DHX15: variants seen among roughly 807,000 people sequenced by gnomAD.
The protein encoded by DHX15 is ATP-dependent RNA helicase DHX15.
DHX15 carries 11 observed loss-of-function variants against 94.4 expected under a neutral mutation model. The observed-to-expected ratio is 0.12, with a 90% CI of 0.07 to 0.19. The LOEUF (loss-of-function observed/expected upper bound fraction) is 0.19. Ranked by LOEUF, DHX15 falls within the 10% of genes least tolerant of loss-of-function variation. The probability of loss-of-function intolerance (pLI) is 1.00; values close to 1 mark genes in which losing one functional copy is unlikely to be tolerated. For missense variants in DHX15, 304 were observed against 988.5 expected (o/e 0.31, Z 9.29); for synonymous variants, 338 against 329.9 (o/e 1.02, Z -0.27).
chr4:24,566,892 A>G lies in DHX15; in HGVS notation c.701+3762T>C, dbSNP rs76743463. Among the ~76,000 whole-genome samples the G allele has an allele frequency of 2.5e-4, 38 of 152,320 alleles. No individual in the cohort carries two copies. In the East Asian group the frequency reaches 7.3e-3, roughly 29 times the overall value. ...ACTTATTCTCAAATCATTCTTTCAT[A>G]TAAACACCCATATTCTACTTCAGAA... is the stretch of plus-strand genomic sequence containing the variant. On this transcript the variant is annotated intron_variant, in intron 3 of 13. Transcript: ENST00000336812.
chr4:24,529,887 CTTAT>C (rs1408043384), intron 12 of DHX15, 117 bp from the exon 13 acceptor site: 7 of 1,040,010 alleles, frequency 6.7e-6, no homozygotes, highest in Non-Finnish European at 1.5e-6. Context: ...TATGGCTATA[CTTAT>C]TTATCACTGT....
intron 1 of DHX15, among the ~76,000 whole-genome samples, chr4:24,581,332 G>A (rs1722412415): frequency 6.6e-6 from 1 of 152,056 alleles, no homozygotes; most frequent in East Asian, 1.9e-4. Flanking sequence ...CCGGCCTATG[G>A]CAGCCAATTT....
intron 3 of DHX15, among the ~76,000 whole-genome samples, chr4:24,558,841 T>G (rs1033771917): frequency 4.6e-5 from 7 of 152,144 alleles, no homozygotes; most frequent in African/African-American, 1.4e-4. Flanking sequence ...TTCCAGACTC[T>G]CAAAACCAGT....
At chr4:24,550,982 C>T (rs1238411677) in intron 5 of DHX15, among the ~76,000 whole-genome samples, 1 of 152,154 alleles carries the variant, frequency 6.6e-6, no homozygotes, top group Non-Finnish European at 1.5e-5. Context: ...TATAATCTTA[C>T]GGGAGCAGCA....
At chr4:24,543,434 C>T (rs745985463) in intron 6 of DHX15, among the ~76,000 whole-genome samples, 2 of 152,092 alleles carry the variant, frequency 1.3e-5, no homozygotes, top group Non-Finnish European at 2.9e-5. Flanking sequence ...GCAATATTTA[C>T]AAATGAAAAC....
chr4:24,547,861 G>GTC (rs36229958), intron 6 of DHX15, among the ~76,000 whole-genome samples: 12 of 126,550 alleles, frequency 9.5e-5, no homozygotes, highest in African/African-American at 3.0e-4. Context: ...AGACATATAT[G>GTC]TCTCTCTCTC....
chr4:24,542,835 A>C (rs538687418), intron 7 of DHX15, 105 bp downstream of exon 7: 2 of 852,436 alleles, frequency 2.3e-6, no homozygotes, highest in African/African-American at 3.5e-5. Flanking sequence ...AATAAAAAAA[A>C]AGATAGGAAA....
intron 10 of DHX15, chr4:24,539,260 C>G (rs1385649116): frequency 1.3e-5 from 2 of 152,036 alleles, no homozygotes; most frequent in African/African-American, 4.8e-5. Context: ...GCATTAAGTT[C>G]AATAAACCAC....
At chr4:24,574,312 G>C (rs1560775756) in intron 2 of DHX15, among the ~76,000 whole-genome samples, 1 of 150,874 alleles carries the variant, frequency 6.6e-6, no homozygotes, top group Non-Finnish European at 1.5e-5. Flanking sequence ...TTAATGGTTT[G>C]AGTCAAAGTT....
chr4:24,574,972 C>T (rs1722222939), intron 2 of DHX15, among the ~76,000 whole-genome samples: 1 of 151,836 alleles, frequency 6.6e-6, no homozygotes, highest in Non-Finnish European at 1.5e-5. Context: ...CTCAGGAGTT[C>T]AAAACCTCAA....
chr4:24,549,582 G>A (rs188390895), intron 5 of DHX15, among the ~76,000 whole-genome samples: 19 of 152,248 alleles, frequency 1.2e-4, no homozygotes, highest in Non-Finnish European at 2.6e-4. Flanking sequence ...ACAGTCACAC[G>A]TTGCTTACTG....
In DHX15 at chr4:24,540,952, G is replaced by A; in HGVS notation, c.1486-4C>T. The A allele has an allele frequency of 1.3e-6, 2 of 1,554,572 alleles. No individual in the cohort carries two copies. The highest frequency in any genetic ancestry group is 1.8e-5 in the Admixed American group (1 of 54,658). ...AAATCTCAGGATAGGTGTTATCCTA[G>A]CAAAGAACAAAAACATTTATTGGTT... On this transcript the variant is annotated splice_region_variant and splice_polypyrimidine_tract_variant and intron_variant, in intron 8 of 13. Transcript: ENST00000336812.
Position 24,540,166 on chromosome 4 carries a change from A to G in DHX15, c.1728T>C (p.Ile576=), listed in dbSNP as rs1401361566. The G allele has an allele frequency of 6.2e-7, 1 of 1,613,140 alleles. No homozygotes were observed. Among genetic ancestry groups the G allele is most frequent in the African/African-American group, 1.3e-5 (1 of 74,870 alleles). The part of the protein sequence containing the change: ...PLDPQLAKMV[I]ASCDYNCSNE... ...TAGAACAGTTGTAGTCACAACTTGC[A>G]ATAACCATTTTTGCGAGCTGTGGAT... Residue 576 remains isoleucine, a synonymous_variant, in exon 10 of 14, where the codon ATT becomes ATC. Coordinates refer to ENST00000336812, the MANE Select transcript of DHX15 (RefSeq NM_001358.3).
rs1419769745 is a variant in DHX15 at position 24,576,557 on chromosome 4, T to C, written c.193A>G (p.Thr65Ala). 1.2e-6 allele frequency: 2 copies of C among 1,614,072 alleles called. No homozygotes were observed. The highest frequency in any genetic ancestry group is 1.7e-6 in the Non-Finnish European group (2 of 1,180,054). ...CCAGCACTGATAAGCATAGCATTTG[T>C]TGAAGCTCGCAACTCCTTCTCCTTT... is the stretch of plus-strand genomic sequence containing the variant. The part of the protein sequence containing the change: ...KEKEKELRAS[T>A]NAMLISAGLP... The change falls in exon 2 of 14, where the codon ACA (threonine) becomes GCA (alanine). Residue 65 changes from threonine to alanine, a missense_variant. Physicochemically the swap from Thr to Ala is moderately conservative, Grantham distance 58. Transcript: ENST00000336812.
chr4:24,570,234 G>A (rs1294953586), intron 3 of DHX15, among the ~76,000 whole-genome samples: 4 of 152,162 alleles, frequency 2.6e-5, no homozygotes, highest in Non-Finnish European at 4.4e-5. Flanking sequence ...GGTAATAGCT[G>A]CATAATTAAC....
intron 1 of DHX15, 165 bp downstream of exon 1, chr4:24,584,158 C>A (rs1722549813): frequency 2.8e-6 from 2 of 713,154 alleles, no homozygotes; most frequent in Admixed American, 6.0e-5. Context: ...CCTTGCCGGG[C>A]CGAACGGGCG....
rs546418003 is a variant in DHX15, at chr4:24,563,903, A to C, written c.701+6751T>G. Among the ~76,000 whole-genome samples the C allele has an allele frequency of 2.2e-4, 34 of 152,136 alleles. No homozygotes were observed. The South Asian group carries it at 6.4e-3, about 29-fold the overall frequency. On this transcript the variant is annotated intron_variant, in intron 3 of 13. Transcript: ENST00000336812. ...ACACAGTGAAACCCGTTTCTACTAA[A>C]AATACAAAAAAAAATTAGCCGGGCG...
At chr4:24,531,245 C>T (rs1313526674) in intron 12 of DHX15, among the ~76,000 whole-genome samples, 1 of 152,034 alleles carries the variant, frequency 6.6e-6, no homozygotes, top group Non-Finnish European at 1.5e-5. Flanking sequence ...CCCGCCACCG[C>T]GCCCGGCTAA....
At chr4:24,581,416 G>A (rs190575506) in intron 1 of DHX15, among the ~76,000 whole-genome samples, 3 of 152,264 alleles carry the variant, frequency 2.0e-5, no homozygotes, top group East Asian at 3.9e-4. Context: ...AATAACACGC[G>A]TTGATCCCAC....
Sources: allele counts gnomAD v4.1 joint callset (sites outside exome capture counted in the v4.1 genomes callset), GRCh38; gene constraint gnomAD v4.1.1; transcripts MANE v1.5; gene names NCBI Gene and HGNC (gene_info 2026-07-23, HGNC 2026-07-21).